Variants in PNCK observed in about 807,000 individuals in gnomAD.
PNCK encodes pregnancy up-regulated nonubiquitous CaM kinase.
In PNCK, 21 loss-of-function variants were observed where a neutral mutation model predicts 28.3. The ratio of observed to expected loss-of-function variants is 0.74; its 90% CI spans 0.53 to 1.07. The LOEUF (loss-of-function observed/expected upper bound fraction) is 1.07, where lower values mean the gene tolerates loss of function less well. Among genes scored for constraint, PNCK ranks in the 50% least tolerant of loss-of-function variants. The probability of loss-of-function intolerance (pLI) is 0.00; values close to 1 mark genes in which losing one functional copy is unlikely to be tolerated. For synonymous variants in PNCK, 136 were observed against 125.2 expected (o/e 1.09, Z -0.58); for missense variants, 250 against 298.3 (o/e 0.84, Z 1.19).
chrX:153,682,196 C>T (rs369897190), intron 1 of PNCK, among the ~76,000 whole-genome samples: 4 of 111,412 alleles, frequency 3.6e-5, no homozygotes, highest in East Asian at 5.6e-4. Context: ...ACCATGTTGG[C>T]CAGGCTGGTC....
Position 153,670,587 on chromosome X carries a change from AAGGCTCGCTGCCAGAAGAG to A in PNCK, c.895-12_901del. On this transcript the variant is annotated splice_acceptor_variant and splice_polypyrimidine_tract_variant and coding_sequence_variant and intron_variant, in exon 11 of 12. Coordinates refer to ENST00000340888, the MANE Select transcript of PNCK (RefSeq NM_001366977.1). LOFTEE classifies it high-confidence loss of function. ...GTGGCGCAGGAACGAGGTGGCATTG[AAGGCTCGCTGCCAGAAGAG>A]AGGGAGATCAGGCCAGGCCTGGGCC... The A allele has an allele frequency of 1.7e-6, 2 of 1,210,155 alleles. No individual in the cohort carries two copies. Among genetic ancestry groups the A allele is most frequent in the Non-Finnish European group, 2.2e-6 (2 of 894,960 alleles).
Position 153,670,698 on chromosome X carries a change from G to A in PNCK, c.894+46C>T. On this transcript the variant is annotated intron_variant, in intron 10 of 11. Coordinates refer to ENST00000340888, the MANE Select transcript of PNCK (RefSeq NM_001366977.1). ...GGGCAGCCACGGCGATCAGGCTACA[G>A]CTGGGGTGCGGCGGGCGACCACACT... 2.5e-6 allele frequency: 3 copies of A among 1,190,912 alleles called. No homozygotes were observed. The East Asian group carries it at 8.9e-5, about 35-fold the overall frequency.
At chrX:153,675,525 G>A (rs75429107), upstream of PNCK, among the ~76,000 whole-genome samples, 2 of 110,488 alleles carry the variant, frequency 1.8e-5, no homozygotes, top group African/African-American at 6.7e-5. Flanking sequence ...GTTTTTTTTG[G>A]TTTGTTATTG....
upstream of PNCK, among the ~76,000 whole-genome samples, chrX:153,675,987 C>CTTTTTTTTTTTTTTTTTTT (rs59527995): frequency 7.6e-4 from 61 of 79,913 alleles, no homozygotes; most frequent in Non-Finnish European, 9.2e-4. Flanking sequence ...TTTTTCTTTT[C>CTTTTTTTTTTTTTTTTTTT]TTTTTTTTTT....
chrX:153,677,633 GTATA>G (rs201512552), upstream of PNCK, among the ~76,000 whole-genome samples: 5 of 98,808 alleles, frequency 5.1e-5, no homozygotes, highest in African/African-American at 1.6e-4. Flanking sequence ...TATATAGTGT[GTATA>G]TATATAGTGT....
chrX:153,679,424 G>C (rs1185410961), upstream of PNCK, among the ~76,000 whole-genome samples: 2 of 108,851 alleles, frequency 1.8e-5, no homozygotes, highest in African/African-American at 6.7e-5. Flanking sequence ...ATTCCCTAAA[G>C]ATGTATGCTG....
At chrX:153,671,845 TG>T (rs1303507221) in intron 5 of PNCK, 34 bp downstream of exon 5, 1 of 1,196,101 alleles carries the variant, frequency 8.4e-7, no homozygotes, top group African/African-American at 1.8e-5. Flanking sequence ...GGTGGGCAGG[TG>T]GGAGGGTGGG....
intron 1 of PNCK, among the ~76,000 whole-genome samples, chrX:153,685,274 G>A (rs1482519111): frequency 1.8e-5 from 2 of 111,378 alleles, no homozygotes; most frequent in Non-Finnish European, 3.8e-5. Flanking sequence ...GCCTTCGGAC[G>A]TGGGAGAGGA....
chrX:153,672,527 C>T (rs782415069), intron 3 of PNCK, 39 bp downstream of exon 3: 2 of 1,187,187 alleles, frequency 1.7e-6, no homozygotes, highest in South Asian at 1.8e-5. Flanking sequence ...ACCCCCCCAT[C>T]GACCTATGCC....
chrX:153,673,312 C>A (rs1557040835), intron 1 of PNCK: 1 of 1,172,605 alleles, frequency 8.5e-7, no homozygotes, highest in Admixed American at 2.6e-5. Context: ...TCCCCCGCAC[C>A]CCGAAGGCGA....
At chrX:153,673,474 A>C in intron 1 of PNCK, 3 of 381,725 alleles carry the variant, frequency 7.9e-6, no homozygotes, top group Non-Finnish European at 1.2e-5. Flanking sequence ...CACAGCGCCC[A>C]CAGGCACCCG....
At chrX:153,682,101 G>A (rs2091398039) in intron 1 of PNCK, among the ~76,000 whole-genome samples, 1 of 111,508 alleles carries the variant, frequency 9.0e-6, no homozygotes, top group Non-Finnish European at 1.9e-5. Context: ...CAATTCTCCA[G>A]CCCCAGCCTC....
At chrX:153,670,879 C>G in intron 9 of PNCK, 39 bp downstream of exon 9, 1 of 1,211,486 alleles carries the variant, frequency 8.3e-7, no homozygotes, top group Non-Finnish European at 1.1e-6. Context: ...AAATGCAGGC[C>G]CCCTGGCCCT....
chrX:153,671,173 G>T lies in PNCK; in HGVS notation c.632C>A (p.Pro211His). The T allele has an allele frequency of 8.3e-7, 1 of 1,211,916 alleles. No individual in the cohort carries two copies. The highest frequency in any genetic ancestry group is 1.1e-6 in the Non-Finnish European group (1 of 895,530). ...CTCAGGGTCGCTCTCGTCGTAGAAGGGGGGGTACCCACACAGCCTGGCACC... is the reference window on the plus strand; with the variant it reads ...CTCAGGGTCGCTCTCGTCGTAGAAGTGGGGGTACCCACACAGCCTGGCACC... ...ISYILLCGYP[P>H]FYDESDPELF... The change falls in exon 8 of 12, where the codon CCC (proline) becomes CAC (histidine). Residue 211 changes from proline to histidine, a missense_variant. Physicochemically the swap from Pro to His is moderately conservative, Grantham distance 77. Transcript: ENST00000340888.
chrX:153,677,404 T>A (rs2091371184), upstream of PNCK, among the ~76,000 whole-genome samples: 1 of 110,057 alleles, frequency 9.1e-6, no homozygotes, highest in African/African-American at 3.3e-5. Context: ...AAGGAGCCAT[T>A]TTTGAGAGAA....
chrX:153,673,122 G>A (rs782749643), intron 1 of PNCK, 44 bp from the exon 2 acceptor site: 2 of 1,174,033 alleles, frequency 1.7e-6, no homozygotes, highest in East Asian at 3.1e-5. Flanking sequence ...TCCCCGCCCC[G>A]CCGGGGGCAA....
chrX:153,670,470 G>C lies in PNCK; in HGVS notation c.1019C>G (p.Pro340Arg). ...HSHSGLRAGQ[P>R]PKW Reference sequence around the variant, plus strand: ...CACACCTGGGCATCACCACTTGGGGGGCTGGCCAGCACGGAGGCCTGAGTG... The same window carrying C: ...CACACCTGGGCATCACCACTTGGGGCGCTGGCCAGCACGGAGGCCTGAGTG... The change falls in exon 11 of 12, where the codon CCC becomes CGC. Residue 340 changes from proline (P) to arginine (R), a missense_variant. Physicochemically the swap from Pro to Arg is moderately radical, Grantham distance 103. Coordinates refer to ENST00000340888, the MANE Select transcript of PNCK (RefSeq NM_001366977.1). 1 of 1,211,557 alleles carries C rather than the reference G, an allele frequency of 8.3e-7. No individual in the cohort carries two copies. Among genetic ancestry groups the C allele is most frequent in the Non-Finnish European group, 1.1e-6 (1 of 895,494 alleles).
At position 153,683,727 on chromosome X, in the gene PNCK, G is replaced by A. The variant is rs915507471; in HGVS notation, c.-3+3704C>T. ...AGGATTTTTTAAAGATAGTTTGGCG[G>A]ACAGGGGGCTAGGGAATGGGTGCTG... On this transcript the variant is annotated intron_variant, in intron 1 of 3. Coordinates refer to the PNCK transcript ENST00000419804. Among the ~76,000 whole-genome samples the A allele has an allele frequency of 8.1e-5, 9 of 111,359 alleles. 1 individual carries two copies. The highest frequency in any genetic ancestry group is 3.8e-4 in the Admixed American group (4 of 10,462).
At chrX:153,673,914 G>A (rs1557041050), upstream of PNCK, 3 of 946,307 alleles carry the variant, frequency 3.2e-6, no homozygotes, top group African/African-American at 2.1e-5. Flanking sequence ...GCGCGGCCGC[G>A]GCGCCGCAGG....
Sources: gnomAD v4.1 joint callset for allele counts (sites outside exome capture counted in the v4.1 genomes callset) on GRCh38, gnomAD v4.1.1 for gene constraint, MANE v1.5 for transcripts, NCBI Gene and HGNC (gene_info 2026-07-23, HGNC 2026-07-21) for gene names.